CTNNA3: variants seen among roughly 807,000 people sequenced by gnomAD.
CTNNA3 encodes catenin alpha-3.
In CTNNA3, 76 loss-of-function variants were observed where a neutral mutation model predicts 95.7. That is an observed-to-expected ratio of 0.79 (90% CI 0.66 to 0.96). CTNNA3 has a LOEUF of 0.96. Ranked by LOEUF, CTNNA3 falls within the 40% of genes least tolerant of loss-of-function variation. The pLI is 0.00. For synonymous variants in CTNNA3, 431 were observed against 374.4 expected, an observed-to-expected ratio of 1.15 and a Z score of -1.74; for missense variants, 1,191 against 1,089.8, an observed-to-expected ratio of 1.09 and a Z score of -1.31.
intron 7 of CTNNA3, among the ~76,000 whole-genome samples, chr10:67,142,160 G>A (rs1275482969): frequency 3.9e-5 from 6 of 152,076 alleles, no homozygotes; most frequent in Admixed American, 2.6e-4. Context: ...GGACGTAGTC[G>A]GGGGCAGGTG....
intron 7 of CTNNA3, among the ~76,000 whole-genome samples, chr10:66,966,560 T>C (rs576868501): frequency 1.7e-4 from 26 of 151,876 alleles, no homozygotes; most frequent in Non-Finnish European, 3.2e-4. Flanking sequence ...TCAAAGAAGC[T>C]TTTTAACATA....
intron 15 of CTNNA3, among the ~76,000 whole-genome samples, chr10:66,066,971 T>A (rs2080325770): frequency 6.6e-6 from 1 of 151,816 alleles, no homozygotes; most frequent in African/African-American, 2.4e-5. Flanking sequence ...TTTAAATAAT[T>A]CTATAGTTAT....
intron 8 of CTNNA3, among the ~76,000 whole-genome samples, chr10:66,772,859 G>C (rs547889569): frequency 6.6e-6 from 1 of 152,208 alleles, no homozygotes; most frequent in South Asian, 2.1e-4. Flanking sequence ...CAGGAAGATG[G>C]GCTCTGCTTA....
intron 5 of CTNNA3, among the ~76,000 whole-genome samples, chr10:67,430,224 C>G (rs900777046): frequency 9.9e-5 from 15 of 152,080 alleles, no homozygotes; most frequent in African/African-American, 3.4e-4. Flanking sequence ...AAACAATTCA[C>G]AATTACCCAA....
At chr10:65,991,124 G>C (rs1224370170) in intron 15 of CTNNA3, among the ~76,000 whole-genome samples, 3 of 151,442 alleles carry the variant, frequency 2.0e-5, no homozygotes, top group Non-Finnish European at 4.4e-5. Flanking sequence ...CTATTTTTAC[G>C]CTCATACAAT....
intron 7 of CTNNA3, among the ~76,000 whole-genome samples, chr10:67,076,118 G>A (rs1241899302): frequency 6.6e-6 from 1 of 152,190 alleles, no homozygotes; most frequent in Non-Finnish European, 1.5e-5. Flanking sequence ...AGATGGGAGG[G>A]TGGACCTTTT....
At chr10:66,189,704 AG>A (rs2086566028) in intron 13 of CTNNA3, among the ~76,000 whole-genome samples, 2 of 150,560 alleles carry the variant, frequency 1.3e-5, no homozygotes, top group African/African-American at 4.9e-5. Flanking sequence ...ATTACATAGT[AG>A]GAAAAATAAT....
At chr10:67,739,545 C>T (rs1841322909) in intron 1 of CTNNA3, among the ~76,000 whole-genome samples, 1 of 151,846 alleles carries the variant, frequency 6.6e-6, no homozygotes. Flanking sequence ...CATGAGTGAA[C>T]TCCCATTCAC....
intron 10 of CTNNA3, among the ~76,000 whole-genome samples, chr10:66,526,058 G>A (rs1333785450): frequency 1.3e-5 from 2 of 152,130 alleles, no homozygotes; most frequent in Non-Finnish European, 2.9e-5. Context: ...ATCTGTCAGT[G>A]GACATTGGGT....
chr10:67,526,351 T>TC, intron 4 of CTNNA3, among the ~76,000 whole-genome samples: 1 of 124,542 alleles, frequency 8.0e-6, no homozygotes. Context: ...CTCAAATGAT[T>TC]TTTTTTTTTT....
chr10:66,773,484 G>C (rs550637873), intron 8 of CTNNA3, among the ~76,000 whole-genome samples: 1 of 152,172 alleles, frequency 6.6e-6, no homozygotes, highest in Non-Finnish European at 1.5e-5. Context: ...ATTAGGCACC[G>C]TATCGAGAGA....
At chr10:67,432,219 C>T (rs1464266332) in intron 5 of CTNNA3, among the ~76,000 whole-genome samples, 1 of 151,496 alleles carries the variant, frequency 6.6e-6, no homozygotes, top group Non-Finnish European at 1.5e-5. Flanking sequence ...CCAAAATAAA[C>T]CAATAAGAAA....
chr10:67,279,701 C>T (rs1839322171), intron 5 of CTNNA3, among the ~76,000 whole-genome samples: 1 of 150,344 alleles, frequency 6.7e-6, no homozygotes, highest in African/African-American at 2.5e-5. Context: ...TTAACTTTTT[C>T]CTTTTGGCAT....
At chr10:66,189,617 T>TGTATACAC in intron 13 of CTNNA3, among the ~76,000 whole-genome samples, 1 of 140,366 alleles carries the variant, frequency 7.1e-6, no homozygotes, top group East Asian at 2.1e-4. Flanking sequence ...TATATATATA[T>TGTATACAC]ACACACATAC....
intron 1 of CTNNA3, among the ~76,000 whole-genome samples, chr10:67,728,287 C>T (rs1031518890): frequency 3.4e-5 from 5 of 148,790 alleles, no homozygotes; most frequent in African/African-American, 1.2e-4. Context: ...AACCCCATCT[C>T]CACAAAAATA....
intron 5 of CTNNA3, among the ~76,000 whole-genome samples, chr10:67,243,272 C>T (rs575405131): frequency 1.3e-5 from 2 of 152,106 alleles, no homozygotes; most frequent in East Asian, 3.9e-4. Context: ...TCCAACCCCC[C>T]CAACCCCCAC....
intron 3 of CTNNA3, among the ~76,000 whole-genome samples, chr10:67,557,960 C>T (rs1841318990): frequency 6.6e-6 from 1 of 152,232 alleles, no homozygotes; most frequent in Non-Finnish European, 1.5e-5. Flanking sequence ...TCTCTCTAAA[C>T]ATGGCCACTC....
intron 2 of CTNNA3, among the ~76,000 whole-genome samples, chr10:67,609,600 G>GAA (rs1448203632): frequency 1.3e-3 from 203 of 152,172 alleles, no homozygotes; most frequent in Non-Finnish European, 2.2e-3. Context: ...GGAATGTCTT[G>GAA]TGGCAGGCCT....
intron 9 of CTNNA3, among the ~76,000 whole-genome samples, chr10:66,687,039 T>C (rs1043109951): frequency 6.6e-6 from 1 of 152,146 alleles, no homozygotes; most frequent in African/African-American, 2.4e-5. Context: ...ACAAATGACA[T>C]ACTTTATACT....
Sources: allele counts gnomAD v4.1 joint callset (sites outside exome capture counted in the v4.1 genomes callset), GRCh38; gene constraint gnomAD v4.1.1; transcripts MANE v1.5; gene names NCBI Gene and HGNC (gene_info 2026-07-23, HGNC 2026-07-21).